PTPN11: variants seen among roughly 807,000 people sequenced by gnomAD.
PTPN11 encodes the protein tyrosine-protein phosphatase non-receptor type 11.
In PTPN11, 6 loss-of-function variants were observed where a neutral mutation model predicts 78.8. The ratio of observed to expected loss-of-function variants is 0.08; its 90% CI spans 0.04 to 0.15. The LOEUF is 0.15. Among genes scored for constraint, PTPN11 ranks in the 10% least tolerant of loss-of-function variants. PTPN11 has a pLI of 1.00. For synonymous variants in PTPN11, 221 were observed against 263.5 expected (o/e 0.84, Z 1.56); for missense variants, 386 against 744.8 (o/e 0.52, Z 5.61).
At chr12:112,488,375 C>T in intron 11 of PTPN11, 68 bp from the exon 12 acceptor site, 1 of 1,250,020 alleles carries the variant, frequency 8.0e-7, no homozygotes, top group Non-Finnish European at 1.2e-6. Flanking sequence ...ATATTAATGG[C>T]TTGGTTTTGA....
At chr12:112,443,195 A>G (rs1354387568) in intron 1 of PTPN11, among the ~76,000 whole-genome samples, 1 of 151,928 alleles carries the variant, frequency 6.6e-6, no homozygotes, top group Non-Finnish European at 1.5e-5. Flanking sequence ...CTTATAGCAA[A>G]AGACAAAACA....
chr12:112,487,976 G>A (rs2038700907), intron 11 of PTPN11, among the ~76,000 whole-genome samples: 1 of 152,040 alleles, frequency 6.6e-6, no homozygotes, highest in Admixed American at 6.6e-5. Context: ...TAGAGACGAG[G>A]TTTTGCTATG....
chr12:112,479,000 T>C (rs1351678068), intron 9 of PTPN11, among the ~76,000 whole-genome samples: 1 of 152,066 alleles, frequency 6.6e-6, no homozygotes, highest in Non-Finnish European at 1.5e-5. Context: ...TCCCAAAGTG[T>C]TGGGATTATA....
At chr12:112,483,746 G>A (rs1202004324) in intron 10 of PTPN11, among the ~76,000 whole-genome samples, 2 of 152,168 alleles carry the variant, frequency 1.3e-5, no homozygotes, top group Non-Finnish European at 1.5e-5. Context: ...CCTGAAAGAA[G>A]AGGACCCAGT....
At chr12:112,427,312 C>T (rs1488340244) in intron 1 of PTPN11, among the ~76,000 whole-genome samples, 6 of 151,436 alleles carry the variant, frequency 4.0e-5, no homozygotes, top group Non-Finnish European at 5.9e-5. Flanking sequence ...TTTGGGAGGC[C>T]GAGGCGGGTG....
rs911335845 is a variant in PTPN11 at position 112,426,966 on chromosome 12, C to T, written c.14+7841C>T. 7.2e-5 allele frequency among the ~76,000 whole-genome samples: 11 copies of T among 152,022 alleles called. No individual in the cohort carries two copies. In the East Asian group the frequency reaches 9.7e-4, roughly 13 times the overall value. On this transcript the variant is annotated intron_variant, in intron 1 of 15. Coordinates refer to ENST00000351677, the MANE Select transcript of PTPN11 (RefSeq NM_002834.5). ...ATCCTTAATAAATATAGATAATGGC[C>T]GGGCGTGGTGGCTCACACCTATAAT... is the stretch of plus-strand genomic sequence containing the variant.
intron 6 of PTPN11, among the ~76,000 whole-genome samples, chr12:112,467,824 C>T (rs1162819000): frequency 2.6e-5 from 4 of 152,060 alleles, no homozygotes; most frequent in Non-Finnish European, 5.9e-5. Flanking sequence ...CCAGATTGCA[C>T]GTGAACTTAG....
intron 6 of PTPN11, among the ~76,000 whole-genome samples, chr12:112,459,093 T>G (rs2038208351): frequency 6.6e-6 from 1 of 152,166 alleles, no homozygotes; most frequent in Non-Finnish European, 1.5e-5. Flanking sequence ...TCAGCCTCAC[T>G]GTTGCCTTCC....
chr12:112,489,883 C>T (rs968846837), intron 13 of PTPN11, among the ~76,000 whole-genome samples: 22 of 152,118 alleles, frequency 1.4e-4, no homozygotes, highest in African/African-American at 4.6e-4. Context: ...TCAGCTTCTC[C>T]AAATGCTGAG....
At chr12:112,485,997 AAG>A (rs1430214279) in intron 10 of PTPN11, among the ~76,000 whole-genome samples, 1 of 127,880 alleles carries the variant, frequency 7.8e-6, no homozygotes, top group Non-Finnish European at 1.5e-5. Flanking sequence ...AAAAAAAAAA[AAG>A]AATGATACTA....
At chr12:112,471,769 T>C (rs951971877) in intron 6 of PTPN11, among the ~76,000 whole-genome samples, 2 of 151,842 alleles carry the variant, frequency 1.3e-5, no homozygotes, top group African/African-American at 4.8e-5. Flanking sequence ...TTTTTTTTTT[T>C]CGAGATGGAG....
intron 13 of PTPN11, 49 bp from the exon 14 acceptor site, chr12:112,502,095 C>A: frequency 7.0e-7 from 1 of 1,433,498 alleles, no homozygotes; most frequent in Non-Finnish European, 9.8e-7. Flanking sequence ...GCTTTTTATC[C>A]CCTTAAAATA....
intron 6 of PTPN11, among the ~76,000 whole-genome samples, chr12:112,461,225 A>G (rs1300396150): frequency 6.6e-6 from 1 of 151,974 alleles, no homozygotes; most frequent in African/African-American, 2.4e-5. Flanking sequence ...TGGTAGTGAT[A>G]TTGTAATTTT....
At chr12:112,505,656 CAAAAA>C (rs1191524369) in intron 15 of PTPN11, among the ~76,000 whole-genome samples, 164 bp from the exon 16 acceptor site, 6 of 36,734 alleles carry the variant, frequency 1.6e-4, no homozygotes, top group Admixed American at 1.1e-3. Context: ...AACTCCATCT[CAAAAA>C]AAAAAAAAAA....
intron 1 of PTPN11, among the ~76,000 whole-genome samples, chr12:112,444,640 T>A (rs901019249): frequency 6.6e-6 from 1 of 152,152 alleles, no homozygotes; most frequent in African/African-American, 2.4e-5. Context: ...GCACCTGGCC[T>A]CCATGTTTCA....
intron 6 of PTPN11, among the ~76,000 whole-genome samples, chr12:112,467,143 T>C (rs987676644): frequency 3.3e-5 from 5 of 152,096 alleles, no homozygotes; most frequent in Admixed American, 6.6e-5. Flanking sequence ...AAAACTTAAC[T>C]CCTCCACAGT....
intron 2 of PTPN11, 65 bp downstream of exon 2, chr12:112,446,463 C>G: frequency 6.2e-7 from 1 of 1,606,692 alleles, no homozygotes; most frequent in South Asian, 1.1e-5. Flanking sequence ...TAAAACCATG[C>G]TTGGATAGCT....
At chr12:112,432,214 G>A (rs1725767763) in intron 1 of PTPN11, among the ~76,000 whole-genome samples, 1 of 152,114 alleles carries the variant, frequency 6.6e-6, no homozygotes, top group African/African-American at 2.4e-5. Context: ...ACAAGTGAGG[G>A]AAAACAGGGG....
At chr12:112,445,115 C>T (rs1414282592) in intron 1 of PTPN11, among the ~76,000 whole-genome samples, 1 of 151,868 alleles carries the variant, frequency 6.6e-6, no homozygotes, top group Middle Eastern at 3.2e-3. Flanking sequence ...ACACATACCC[C>T]GAAGCATGTA....
Sources: allele counts gnomAD v4.1 joint callset (sites outside exome capture counted in the v4.1 genomes callset), GRCh38; gene constraint gnomAD v4.1.1; transcripts MANE v1.5; gene names NCBI Gene and HGNC (gene_info 2026-07-23, HGNC 2026-07-21).